The following ATRN variants were observed in gnomAD, a reference collection of about 807,000 sequenced individuals.
ATRN encodes the protein attractin, also known as attractin-2.
In ATRN, 54 loss-of-function variants were observed where a neutral mutation model predicts 178.7. The ratio of observed to expected loss-of-function variants is 0.30; its 90% confidence interval spans 0.24 to 0.38. The LOEUF (loss-of-function observed/expected upper bound fraction) is 0.38. ATRN is among the 10% of genes least tolerant of loss of function. ATRN has a pLI of 1.00. For synonymous variants in ATRN, 636 were observed against 663.0 expected (o/e 0.96, Z 0.63); for missense variants, 1,443 against 1,815.1 (o/e 0.79, Z 3.73).
intron 24 of ATRN, among the ~76,000 whole-genome samples, chr20:3,610,742 CTTTTTTTTTTTT>C (rs71195847): frequency 9.2e-5 from 6 of 65,272 alleles, no homozygotes; most frequent in Admixed American, 7.9e-4. Context: ...CTGGCTAATT[CTTTTTTTTTTTT>C]TTTTTTTTTT....
chr20:3,593,171 A>T (rs1249996600), intron 19 of ATRN, among the ~76,000 whole-genome samples: 1 of 152,168 alleles, frequency 6.6e-6, no homozygotes, highest in Non-Finnish European at 1.5e-5. Context: ...ATGCCATCAT[A>T]CCCACATCAG....
rs578174780 is a variant in ATRN at position 3,496,831 on chromosome 20, G to C, written c.410+25314G>C. Among the ~76,000 whole-genome samples the C allele has an allele frequency of 7.3e-5, 11 of 150,988 alleles. No individual in the cohort carries two copies. In the East Asian group the frequency reaches 2.1e-3, roughly 29 times the overall value. ...GTAGGTCGCTCAGGACTTGCTTTAT[G>C]AATCTGGGTGCTCCTGTATTGGGTG... On this transcript the variant is annotated intron_variant, in intron 1 of 28. Coordinates refer to ENST00000262919, the MANE Select transcript of ATRN (RefSeq NM_139321.3).
intron 18 of ATRN, among the ~76,000 whole-genome samples, chr20:3,585,120 A>C (rs944988492): frequency 1.3e-5 from 2 of 152,118 alleles, no homozygotes; most frequent in African/African-American, 2.4e-5. Flanking sequence ...TTCAGACTTG[A>C]AGTGACCACT....
Position 3,623,151 on chromosome 20 carries a change from C to A in ATRN, c.3802-1360C>A, listed in dbSNP as rs1463663709. ...TGTGTTATAACTTGGATTCTTCATT[C>A]CCCAAAATGACCTTGTTTATATAAT... On this transcript the variant is annotated intron_variant, in intron 24 of 28. Transcript: ENST00000262919. Among the ~76,000 whole-genome samples, 3 of 152,168 alleles carry A rather than the reference C, an allele frequency of 2.0e-5. No individual in the cohort carries two copies. In the East Asian group the frequency reaches 5.8e-4, roughly 29 times the overall value.
chr20:3,648,828 T>C lies in ATRN; in HGVS notation c.*1981T>C, dbSNP rs2087125634. The C allele has an allele frequency of 6.7e-6, 1 of 150,160 alleles. No individual in the cohort carries two copies. The highest frequency in any genetic ancestry group is 2.1e-4 in the South Asian group (1 of 4,806). 9.3% of individuals were successfully genotyped at this position (150,160 alleles called of 1,614,324 possible). A position where few individuals can be genotyped will look rare whatever the true frequency, so the allele number is the denominator to read the frequency against. Reference sequence around the variant, plus strand: ...CGCCTGCAGTGGACTGGCCCCTTAATTCCCACAGGCCCCCCCAGCAAGGCC... The same window carrying C: ...CGCCTGCAGTGGACTGGCCCCTTAACTCCCACAGGCCCCCCCAGCAAGGCC... On this transcript the variant is annotated 3_prime_UTR_variant, in exon 29 of 29. Coordinates refer to ENST00000262919, the MANE Select transcript of ATRN (RefSeq NM_139321.3).
intron 1 of ATRN, among the ~76,000 whole-genome samples, chr20:3,529,474 A>G (rs1318380976): frequency 6.6e-6 from 1 of 152,266 alleles, no homozygotes; most frequent in East Asian, 1.9e-4. Context: ...ATTTTCATAC[A>G]AGAGAATACT....
intron 23 of ATRN, 29 bp from the exon 24 acceptor site, chr20:3,604,076 T>C (rs189559721): frequency 6.5e-7 from 1 of 1,549,908 alleles, no homozygotes; most frequent in African/African-American, 1.4e-5. Flanking sequence ...AAAAAATGTC[T>C]CTTCTCTTTC....
At chr20:3,542,833 C>G (rs148990682) in intron 3 of ATRN, among the ~76,000 whole-genome samples, 99 of 143,512 alleles carry the variant, frequency 6.9e-4, no homozygotes, top group African/African-American at 2.4e-3. Context: ...GAGACGGGGT[C>G]TCACCATGTT....
intron 1 of ATRN, among the ~76,000 whole-genome samples, chr20:3,516,278 T>A (rs2085205221): frequency 6.6e-6 from 1 of 152,108 alleles, no homozygotes; most frequent in Non-Finnish European, 1.5e-5. Flanking sequence ...AGAGACCAAA[T>A]AGCATAATAT....
chr20:3,622,618 G>T (rs895064030), intron 24 of ATRN, among the ~76,000 whole-genome samples: 1 of 152,218 alleles, frequency 6.6e-6, no homozygotes. Context: ...AAGACTGACC[G>T]CAGTGGGCGG....
chr20:3,560,406 C>T (rs554627402), intron 7 of ATRN, among the ~76,000 whole-genome samples: 34 of 152,060 alleles, frequency 2.2e-4, no homozygotes, highest in Non-Finnish European at 3.8e-4. Context: ...TTGATAGACA[C>T]GTTGATTCCA....
chr20:3,541,101 G>A (rs1237610996), intron 3 of ATRN, among the ~76,000 whole-genome samples: 1 of 132,268 alleles, frequency 7.6e-6, no homozygotes, highest in African/African-American at 2.7e-5. Context: ...TTTTTGAGAC[G>A]GAGTCTCGCT....
chr20:3,570,064 C>G (rs1221687445), intron 11 of ATRN, among the ~76,000 whole-genome samples: 1 of 147,766 alleles, frequency 6.8e-6, no homozygotes, highest in Non-Finnish European at 1.5e-5. Context: ...GAGCAAGACT[C>G]TAACTCAAAA....
At chr20:3,584,451 A>T (rs1296126032) in intron 17 of ATRN, among the ~76,000 whole-genome samples, 196 bp from the exon 18 acceptor site, 1 of 152,166 alleles carries the variant, frequency 6.6e-6, no homozygotes, top group African/African-American at 2.4e-5. Context: ...CCTGGGATTG[A>T]GAGAGGAGGG....
chr20:3,614,987 C>G (rs1443686110), intron 24 of ATRN, among the ~76,000 whole-genome samples: 2 of 152,126 alleles, frequency 1.3e-5, no homozygotes, highest in African/African-American at 4.8e-5. Context: ...TATGTATATA[C>G]CACGTTTTGT....
rs1196783245 is a variant in ATRN, at chr20:3,471,195, C to T, written c.88C>T (p.His30Tyr). ...GCTCGCGGGCAGGAGCGGCGGGCCG[C>T]ACTGGGACTGGGACGTGACCAGGGC... Reference protein sequence around the residue: ...AALAGRSGGPHWDWDVTRAGR... With the variant: ...AALAGRSGGPYWDWDVTRAGR... The change falls in exon 1 of 29, where the codon CAC becomes TAC. Residue 30 changes from histidine (H) to tyrosine (Y), a missense_variant. By Grantham distance (83) the His-to-Tyr change is moderately conservative. This residue lies in a region of ATRN where 862 missense variants were observed against 972.1 expected (regional missense o/e 0.89). Transcript: ENST00000262919. 1 of 1,502,782 alleles carries T rather than the reference C, an allele frequency of 6.7e-7. No individual in the cohort carries two copies. Among genetic ancestry groups the T allele is most frequent in the South Asian group, 1.2e-5 (1 of 81,030 alleles). The allele number at this position is 1,502,782 out of a possible 1,614,324, so 93.1% of individuals were successfully genotyped here.
intron 6 of ATRN, among the ~76,000 whole-genome samples, chr20:3,557,515 A>G (rs962699218): frequency 2.6e-5 from 4 of 152,234 alleles, no homozygotes; most frequent in Admixed American, 1.3e-4. Context: ...TCAGGGAAAG[A>G]GTACTATGAG....
rs931076756 is a variant in ATRN at position 3,471,353 on chromosome 20, G to A, written c.246G>A (p.Glu82=). 6.7e-6 allele frequency: 10 copies of A among 1,485,864 alleles called. No homozygotes were observed. The highest frequency in any genetic ancestry group is 2.1e-4 in the Middle Eastern group (1 of 4,832). The allele number at this position is 1,485,864 out of a possible 1,614,324, so 92.0% of individuals were successfully genotyped here. A position where few individuals can be genotyped will look rare whatever the true frequency, so the allele number is the denominator to read the frequency against. ...LLLLLLPCEA[E]AAAAAAAVSG... ...TGCTGCTGCTGCCCTGTGAGGCCGA[G>A]GCCGCGGCGGCGGCGGCGGCGGTGT... Residue 82 remains glutamate, a synonymous_variant, in exon 1 of 29, where the codon GAG becomes GAA. Transcript: ENST00000262919.
In ATRN at chr20:3,472,259, C is replaced by G. The variant is rs574348698; in HGVS notation, c.410+742C>G. Among the ~76,000 whole-genome samples, 3 of 152,292 alleles carry G rather than the reference C, an allele frequency of 2.0e-5. No individual in the cohort carries two copies. In the South Asian group the frequency reaches 6.2e-4, roughly 32 times the overall value. ...AATTAGCAGTTATCGTTATTTGCTT[C>G]AGTTGTGCAATGATTTTCCAGATAA... On this transcript the variant is annotated intron_variant, in intron 1 of 28. Transcript: ENST00000262919.
Sources: gnomAD v4.1 joint callset for allele counts (sites outside exome capture counted in the v4.1 genomes callset) on GRCh38, gnomAD v4.1.1 for gene constraint, gnomAD v4.1.1 regional missense constraint, MANE v1.5 for transcripts, NCBI Gene and HGNC (gene_info 2026-07-23, HGNC 2026-07-21) for gene names.